The following AKAP19 variants were observed in gnomAD, a reference collection of about 807,000 sequenced individuals.
AKAP19 encodes small A-kinase anchoring protein.
At chr2:190,061,712 AT>A in the AKAP19 span, among the ~76,000 whole-genome samples, 1 of 152,106 alleles carries the variant, frequency 6.6e-6, no homozygotes, top group Admixed American at 6.6e-5. Flanking sequence ...TCAAAATTAA[AT>A]TTTTAACTGT....
the AKAP19 span, among the ~76,000 whole-genome samples, chr2:189,966,094 A>G: frequency 7.9e-4 from 120 of 152,086 alleles, no homozygotes; most frequent in Non-Finnish European, 1.7e-3. Context: ...GGAATGGAAA[A>G]CCAAATATTG....
the AKAP19 span, among the ~76,000 whole-genome samples, chr2:190,185,692 A>T: frequency 6.6e-6 from 1 of 152,186 alleles, no homozygotes; most frequent in African/African-American, 2.4e-5. Context: ...AAATGAGATG[A>T]AGTATTGATA....
At chr2:189,983,328 C>A in the AKAP19 span, among the ~76,000 whole-genome samples, 26 of 152,252 alleles carry the variant, frequency 1.7e-4, no homozygotes, top group African/African-American at 6.0e-4. Flanking sequence ...GAGCAGGCAA[C>A]TCTTTGACTT....
chr2:189,987,423 T>C, the AKAP19 span, among the ~76,000 whole-genome samples: 6 of 152,164 alleles, frequency 3.9e-5, no homozygotes, highest in African/African-American at 1.4e-4. Flanking sequence ...CCTACTAAGG[T>C]TTTTGGGGAA....
chr2:190,125,431 C>T, the AKAP19 span, among the ~76,000 whole-genome samples: 1 of 152,050 alleles, frequency 6.6e-6, no homozygotes, highest in Non-Finnish European at 1.5e-5. Flanking sequence ...GTGATATAAT[C>T]CAATGAAACT....
the AKAP19 span, among the ~76,000 whole-genome samples, chr2:189,983,623 T>A: frequency 1.3e-5 from 2 of 152,218 alleles, no homozygotes; most frequent in African/African-American, 4.8e-5. Flanking sequence ...TGCACTTGCA[T>A]TTCCTTTGTC....
the AKAP19 span, among the ~76,000 whole-genome samples, chr2:189,957,578 G>A: frequency 6.6e-6 from 1 of 152,134 alleles, no homozygotes; most frequent in Non-Finnish European, 1.5e-5. Flanking sequence ...TTTTTCATAT[G>A]TAATTCTGTA....
chr2:190,196,774 TTTAATA>T, the AKAP19 span, among the ~76,000 whole-genome samples: 36 of 152,330 alleles, frequency 2.4e-4, no homozygotes, highest in African/African-American at 7.9e-4. Flanking sequence ...TGCCCATTTG[TTTAATA>T]TTAATATATT....
the AKAP19 span, among the ~76,000 whole-genome samples, chr2:189,884,461 CTTA>C: frequency 1.3e-5 from 2 of 151,902 alleles, no homozygotes; most frequent in Non-Finnish European, 2.9e-5. Flanking sequence ...CCTTAGTTTT[CTTA>C]GTCAATAGCT....
chr2:190,189,368 T>C, the AKAP19 span, among the ~76,000 whole-genome samples: 10 of 152,170 alleles, frequency 6.6e-5, no homozygotes, highest in Non-Finnish European at 8.8e-5. Flanking sequence ...TCCATTCTTA[T>C]TTGCCATGTG....
At chr2:190,173,064 G>A in the AKAP19 span, among the ~76,000 whole-genome samples, 19 of 151,222 alleles carry the variant, frequency 1.3e-4, no homozygotes, top group African/African-American at 3.9e-4. Context: ...GCAGTGAGCC[G>A]TGATCATGCC....
At chr2:190,097,224 C>T in the AKAP19 span, among the ~76,000 whole-genome samples, 2 of 152,126 alleles carry the variant, frequency 1.3e-5, no homozygotes, top group Non-Finnish European at 2.9e-5. Flanking sequence ...TCTCCCTCCC[C>T]CTAACCCCTA....
At chr2:189,881,480 G>T in the AKAP19 span, among the ~76,000 whole-genome samples, 1 of 152,144 alleles carries the variant, frequency 6.6e-6, no homozygotes, top group Non-Finnish European at 1.5e-5. Flanking sequence ...GGGGAGGAAG[G>T]CAGAAAAACA....
the AKAP19 span, among the ~76,000 whole-genome samples, chr2:190,027,878 T>C: frequency 2.0e-5 from 3 of 152,114 alleles, no homozygotes; most frequent in Non-Finnish European, 4.4e-5. Flanking sequence ...ACAATTATAT[T>C]TGTTTGGCAT....
chr2:189,926,682 G>A, the AKAP19 span, among the ~76,000 whole-genome samples: 3 of 142,730 alleles, frequency 2.1e-5, no homozygotes, highest in Non-Finnish European at 1.5e-5. Flanking sequence ...CCAGGTTCAC[G>A]CCATTCTCCT....
At chr2:190,032,028 C>T in the AKAP19 span, among the ~76,000 whole-genome samples, 1 of 151,952 alleles carries the variant, frequency 6.6e-6, no homozygotes, top group Non-Finnish European at 1.5e-5. Flanking sequence ...TCCATCAGTC[C>T]TACTCTTATG....
At chr2:190,011,676 A>G in the AKAP19 span, among the ~76,000 whole-genome samples, 2,382 of 152,250 alleles carry the variant, frequency 0.016, 64 homozygotes, top group African/African-American at 0.054. Flanking sequence ...GACATCATTT[A>G]TTGAAGACAC....
chr2:189,985,606 A>G, the AKAP19 span, among the ~76,000 whole-genome samples: 3 of 152,204 alleles, frequency 2.0e-5, no homozygotes, highest in Admixed American at 6.5e-5. Context: ...AACCTTAGTC[A>G]TATATCCCAA....
the AKAP19 span, among the ~76,000 whole-genome samples, chr2:190,094,947 G>T: frequency 6.6e-6 from 1 of 152,336 alleles, no homozygotes; most frequent in South Asian, 2.1e-4. Flanking sequence ...TAAATAGGCC[G>T]GGCGCGGTGG....
Sources: allele counts gnomAD v4.1 joint callset (sites outside exome capture counted in the v4.1 genomes callset), GRCh38; gene constraint gnomAD v4.1.1; transcripts MANE v1.5; gene names NCBI Gene and HGNC (gene_info 2026-07-23, HGNC 2026-07-21).